Variants in ST6GALNAC3 observed in about 807,000 individuals in gnomAD.
ST6GALNAC3 encodes the protein alpha-N-acetylgalactosaminide alpha-2,6-sialyltransferase 3.
A neutral mutation model predicts 32.7 loss-of-function variants in ST6GALNAC3; 25 were observed. The ratio of observed to expected loss-of-function variants is 0.76; its 90% CI spans 0.56 to 1.07. ST6GALNAC3 has a LOEUF of 1.07. ST6GALNAC3 is among the 50% of genes least tolerant of loss of function. The probability of loss-of-function intolerance (pLI) is 0.00; values close to 1 mark genes in which losing one functional copy is unlikely to be tolerated. For synonymous variants in ST6GALNAC3, 129 were observed against 133.1 expected (o/e 0.97, Z 0.21); for missense variants, 355 against 382.4 (o/e 0.93, Z 0.60).
chr1:76,160,752 C>T (rs750573530), intron 1 of ST6GALNAC3, among the ~76,000 whole-genome samples: 1 of 152,176 alleles, frequency 6.6e-6, no homozygotes, highest in African/African-American at 2.4e-5. Flanking sequence ...TGCTTAGTGA[C>T]AAAGTTGATT....
intron 2 of ST6GALNAC3, among the ~76,000 whole-genome samples, chr1:76,362,075 G>A (rs1650003314): frequency 6.6e-6 from 1 of 151,982 alleles, no homozygotes; most frequent in South Asian, 2.1e-4. Context: ...GGCTGTACAG[G>A]AAGCATGACA....
chr1:76,584,952 G>C (rs779292303), intron 3 of ST6GALNAC3, among the ~76,000 whole-genome samples: 4 of 152,204 alleles, frequency 2.6e-5, no homozygotes, highest in Non-Finnish European at 5.9e-5. Context: ...CCAAATATGA[G>C]TGTTAGCCTG....
intron 3 of ST6GALNAC3, among the ~76,000 whole-genome samples, chr1:76,465,873 CT>C: frequency 6.6e-6 from 1 of 151,882 alleles, no homozygotes; most frequent in Non-Finnish European, 1.5e-5. Flanking sequence ...GGTCTATGGT[CT>C]TTTTTAATCT....
intron 1 of ST6GALNAC3, among the ~76,000 whole-genome samples, chr1:76,111,930 G>A (rs1248338128): frequency 6.6e-6 from 1 of 152,122 alleles, no homozygotes; most frequent in Non-Finnish European, 1.5e-5. Flanking sequence ...TGTCATCATG[G>A]CCCCTTCTCA....
At chr1:76,518,693 A>G (rs934005433) in intron 3 of ST6GALNAC3, among the ~76,000 whole-genome samples, 1 of 152,106 alleles carries the variant, frequency 6.6e-6, no homozygotes, top group Non-Finnish European at 1.5e-5. Flanking sequence ...TGTTAAAATG[A>G]TCATCAACAT....
chr1:76,452,150 A>G lies in ST6GALNAC3; in HGVS notation c.623+39733A>G, dbSNP rs938594432. On this transcript the variant is annotated intron_variant, in intron 3 of 4. Transcript: ENST00000328299. ...GAGGGACATGATGGGAGGTAATTGA[A>G]TCATGGGGGCAGGTCTTTTACATGC... 2.0e-5 allele frequency among the ~76,000 whole-genome samples: 3 copies of G among 152,244 alleles called. 1 individual carries two copies. Among genetic ancestry groups the G allele is most frequent in the South Asian group, 4.2e-4 (2 of 4,818 alleles).
chr1:76,566,924 T>C (rs1214638606), intron 3 of ST6GALNAC3, among the ~76,000 whole-genome samples: 1 of 152,152 alleles, frequency 6.6e-6, no homozygotes, highest in Admixed American at 6.5e-5. Context: ...ATTTTACCAT[T>C]GAAAATTCCA....
At chr1:76,233,569 CA>C (rs1227317568) in intron 1 of ST6GALNAC3, among the ~76,000 whole-genome samples, 2 of 152,180 alleles carry the variant, frequency 1.3e-5, no homozygotes, top group African/African-American at 4.8e-5. Context: ...AGCATTTATC[CA>C]TCCTAAATGG....
chr1:76,292,962 A>T (rs948944632), intron 1 of ST6GALNAC3, among the ~76,000 whole-genome samples: 13 of 152,110 alleles, frequency 8.5e-5, no homozygotes, highest in African/African-American at 3.1e-4. Context: ...CTTCCCTGTG[A>T]GTATTTTGAG....
intron 1 of ST6GALNAC3, among the ~76,000 whole-genome samples, chr1:76,310,166 G>C (rs1209036223): frequency 1.3e-5 from 2 of 152,056 alleles, no homozygotes; most frequent in Non-Finnish European, 2.9e-5. Flanking sequence ...TTTGCAACAA[G>C]CTACCAAATG....
intron 3 of ST6GALNAC3, among the ~76,000 whole-genome samples, chr1:76,527,410 T>G (rs549517297): frequency 6.6e-4 from 100 of 152,226 alleles, no homozygotes; most frequent in African/African-American, 2.3e-3. Context: ...TTTTCTCCCC[T>G]GGCAGTTGTA....
intron 3 of ST6GALNAC3, among the ~76,000 whole-genome samples, chr1:76,618,325 T>C (rs1483039562): frequency 6.6e-6 from 1 of 152,160 alleles, no homozygotes; most frequent in Non-Finnish European, 1.5e-5. Context: ...AAGAACTTAG[T>C]TAAGAACCTG....
At chr1:76,256,015 A>AACACACACACAC (rs10635688) in intron 1 of ST6GALNAC3, among the ~76,000 whole-genome samples, 13,854 of 148,386 alleles carry the variant, frequency 0.093, 974 homozygotes, top group African/African-American at 0.2. Context: ...TGTCAGTGGT[A>AACACACACACAC]ACACACACAC....
intron 2 of ST6GALNAC3, among the ~76,000 whole-genome samples, chr1:76,365,813 G>C (rs1170486943): frequency 6.6e-6 from 1 of 152,148 alleles, no homozygotes; most frequent in African/African-American, 2.4e-5. Context: ...CTGAAGATTA[G>C]ATTCATTAGT....
intron 1 of ST6GALNAC3, among the ~76,000 whole-genome samples, chr1:76,194,979 C>G (rs1350641730): frequency 1.3e-5 from 2 of 152,174 alleles, no homozygotes; most frequent in African/African-American, 2.4e-5. Context: ...TGAGTTAATA[C>G]AGATCTTTGA....
intron 1 of ST6GALNAC3, among the ~76,000 whole-genome samples, chr1:76,295,841 G>A (rs986802934): frequency 6.6e-6 from 1 of 152,076 alleles, no homozygotes; most frequent in African/African-American, 2.4e-5. Context: ...CTTAGTCTCA[G>A]CTTCCTGTCC....
chr1:76,210,045 T>A (rs1424451876), intron 1 of ST6GALNAC3, among the ~76,000 whole-genome samples: 1 of 8,910 alleles, frequency 1.1e-4, no homozygotes, highest in African/African-American at 2.1e-4. Context: ...AGAGCTGCGT[T>A]TTTTTTTTTC....
chr1:76,403,161 T>C (rs1653559557), intron 2 of ST6GALNAC3, among the ~76,000 whole-genome samples: 1 of 152,122 alleles, frequency 6.6e-6, no homozygotes, highest in Non-Finnish European at 1.5e-5. Flanking sequence ...GGTAGTATGA[T>C]TTTCCTTACC....
chr1:76,561,879 T>C (rs1665267026), intron 3 of ST6GALNAC3, among the ~76,000 whole-genome samples: 1 of 152,168 alleles, frequency 6.6e-6, no homozygotes. Context: ...GATTAATGGA[T>C]TGAAAAATGT....
Sources: allele counts gnomAD v4.1 joint callset (sites outside exome capture counted in the v4.1 genomes callset), GRCh38; gene constraint gnomAD v4.1.1; transcripts MANE v1.5; gene names NCBI Gene and HGNC (gene_info 2026-07-23, HGNC 2026-07-21).